The following TMEM117 variants were observed in gnomAD, a reference collection of about 807,000 sequenced individuals.
TMEM117 encodes the protein transmembrane protein 117.
Under a neutral mutation model 52.4 loss-of-function variants are expected in TMEM117, and 27 were observed. The ratio of observed to expected loss-of-function variants is 0.51; its 90% confidence interval spans 0.38 to 0.71. The LOEUF is 0.71. TMEM117 is among the 30% of genes least tolerant of loss of function. The probability of loss-of-function intolerance (pLI) is 0.00; values close to 1 mark genes in which losing one functional copy is unlikely to be tolerated. For synonymous variants in TMEM117, 215 were observed against 206.3 expected (o/e 1.04, Z -0.36); for missense variants, 556 against 630.5 (o/e 0.88, Z 1.26).
intron 2 of TMEM117, among the ~76,000 whole-genome samples, chr12:43,870,127 A>C (rs367684493): frequency 2.6e-5 from 4 of 152,176 alleles, no homozygotes; most frequent in Non-Finnish European, 5.9e-5. Flanking sequence ...GCATAGTATT[A>C]CATGGTATGT....
chr12:44,282,153 C>T (rs1043579862), intron 5 of TMEM117, among the ~76,000 whole-genome samples: 2 of 152,134 alleles, frequency 1.3e-5, no homozygotes, highest in Non-Finnish European at 2.9e-5. Context: ...TCGCCTCCCA[C>T]CATGATTCTG....
At chr12:44,171,784 G>C (rs949324471) in intron 4 of TMEM117, among the ~76,000 whole-genome samples, 1 of 152,122 alleles carries the variant, frequency 6.6e-6, no homozygotes, top group Non-Finnish European at 1.5e-5. Flanking sequence ...GACTGGGAGA[G>C]GGGACGGTAA....
chr12:43,893,973 T>C (rs1287680703), intron 2 of TMEM117, among the ~76,000 whole-genome samples: 1 of 152,218 alleles, frequency 6.6e-6, no homozygotes, highest in African/African-American at 2.4e-5. Context: ...TTCTGAGCTT[T>C]GGCTTTTCTC....
chr12:44,099,566 C>CT (rs1248574926), intron 3 of TMEM117, among the ~76,000 whole-genome samples: 2 of 151,874 alleles, frequency 1.3e-5, no homozygotes, highest in Non-Finnish European at 2.9e-5. Flanking sequence ...GCAGTACAAC[C>CT]TTGTTTTCAG....
At chr12:44,314,009 C>T (rs1425318272) in intron 6 of TMEM117, among the ~76,000 whole-genome samples, 1 of 151,804 alleles carries the variant, frequency 6.6e-6, no homozygotes, top group East Asian at 1.9e-4. Flanking sequence ...TTGGCAGAGG[C>T]TTTAGGGTTT....
At chr12:43,830,312 T>C in the TMEM117 span, among the ~76,000 whole-genome samples, 1 of 151,466 alleles carries the variant, frequency 6.6e-6, no homozygotes, top group African/African-American at 2.4e-5. Flanking sequence ...CTCCTTTGCT[T>C]TGAAAACTGT....
the TMEM117 span, among the ~76,000 whole-genome samples, chr12:43,810,606 T>C: frequency 3.3e-4 from 51 of 152,314 alleles, no homozygotes; most frequent in African/African-American, 1.2e-3. Context: ...TGTTCAGATC[T>C]GCTGTATTTT....
In TMEM117 at chr12:44,061,731, A is replaced by G. The variant is rs531533802; in HGVS notation, c.411-81794A>G. Among the ~76,000 whole-genome samples the G allele has an allele frequency of 2.6e-5, 4 of 152,298 alleles. No homozygotes were observed. The South Asian group carries it at 8.3e-4, about 32-fold the overall frequency. On this transcript the variant is annotated intron_variant, in intron 3 of 7. Coordinates refer to ENST00000266534, the MANE Select transcript of TMEM117 (RefSeq NM_032256.3). ...AGTCATTCCATATGGAGGAGGACCC[A>G]TATTCATGGGGATTTAATTTGTCAT...
chr12:44,173,321 T>C (rs1417672553), intron 4 of TMEM117, among the ~76,000 whole-genome samples: 1 of 152,100 alleles, frequency 6.6e-6, no homozygotes, highest in Admixed American at 6.5e-5. Flanking sequence ...AGGCAATCCA[T>C]CCACCTCGTC....
At chr12:44,089,033 T>C (rs1454767654) in intron 3 of TMEM117, among the ~76,000 whole-genome samples, 1 of 152,210 alleles carries the variant, frequency 6.6e-6, no homozygotes, top group African/African-American at 2.4e-5. Flanking sequence ...AAAAGGGACC[T>C]GGTCAAATGT....
At chr12:44,345,515 A>G (rs1951473837) in intron 6 of TMEM117, among the ~76,000 whole-genome samples, 1 of 152,156 alleles carries the variant, frequency 6.6e-6, no homozygotes, top group South Asian at 2.1e-4. Flanking sequence ...GATTAAATAC[A>G]TAGTGATGAT....
chr12:43,946,818 G>C (rs1389781406), intron 3 of TMEM117, among the ~76,000 whole-genome samples: 1 of 152,178 alleles, frequency 6.6e-6, no homozygotes, highest in African/African-American at 2.4e-5. Context: ...GGAAATAAGA[G>C]AATAGTTAGC....
At chr12:44,375,416 G>A (rs560038283) in intron 6 of TMEM117, among the ~76,000 whole-genome samples, 10 of 152,026 alleles carry the variant, frequency 6.6e-5, no homozygotes, top group Non-Finnish European at 7.4e-5. Flanking sequence ...CCATAGATCC[G>A]GAAACTGGTA....
downstream of TMEM117, among the ~76,000 whole-genome samples, chr12:44,393,558 C>T (rs1952170317): frequency 6.6e-6 from 1 of 152,058 alleles, no homozygotes; most frequent in Admixed American, 6.6e-5. Context: ...TAGCCAAATG[C>T]AAAGTCAAGA....
chr12:43,960,640 C>T (rs182217165), intron 3 of TMEM117, among the ~76,000 whole-genome samples: 1 of 152,116 alleles, frequency 6.6e-6, no homozygotes, highest in East Asian at 1.9e-4. Context: ...GTTCTGTGAT[C>T]GTTATTCATG....
intron 2 of TMEM117, among the ~76,000 whole-genome samples, chr12:43,861,285 A>G (rs1943484640): frequency 6.6e-6 from 1 of 152,152 alleles, no homozygotes; most frequent in African/African-American, 2.4e-5. Context: ...CTAGGGATGA[A>G]TAGATTTTCT....
intron 3 of TMEM117, among the ~76,000 whole-genome samples, chr12:44,131,501 G>C (rs1302282073): frequency 6.6e-6 from 1 of 152,066 alleles, no homozygotes; most frequent in South Asian, 2.1e-4. Flanking sequence ...ATTAGGCAGA[G>C]TTTGCTCATC....
intron 6 of TMEM117, among the ~76,000 whole-genome samples, chr12:44,344,652 G>A (rs762759957): frequency 3.9e-5 from 6 of 152,020 alleles, no homozygotes; most frequent in Admixed American, 1.3e-4. Context: ...TGGTGGAGTC[G>A]AAGAAAAAAC....
chr12:44,031,737 A>G (rs1946635637), intron 3 of TMEM117, among the ~76,000 whole-genome samples: 1 of 152,172 alleles, frequency 6.6e-6, no homozygotes, highest in Non-Finnish European at 1.5e-5. Context: ...TCTCTACCTG[A>G]TTTGTCCATA....
Sources: gnomAD v4.1 joint callset for allele counts (sites outside exome capture counted in the v4.1 genomes callset) on GRCh38, gnomAD v4.1.1 for gene constraint, MANE v1.5 for transcripts, NCBI Gene and HGNC (gene_info 2026-07-23, HGNC 2026-07-21) for gene names.